Variants in ELP2 observed in about 807,000 individuals in gnomAD.
ELP2 encodes the protein elongator acetyltransferase complex subunit 2, also known as elongator complex protein 2.
A neutral mutation model predicts 119.2 loss-of-function variants in ELP2; 90 were observed. The observed-to-expected ratio is 0.75, with a 90% CI of 0.64 to 0.90. The LOEUF is 0.90. Ranked by LOEUF, ELP2 falls within the 40% of genes least tolerant of loss-of-function variation. The pLI is 0.00. For missense variants in ELP2, 921 were observed against 967.8 expected, an observed-to-expected ratio of 0.95 and a Z score of 0.64; for synonymous variants, 339 against 331.0, an observed-to-expected ratio of 1.02 and a Z score of -0.26.
At position 36,170,174 on chromosome 18, in the gene ELP2, C is replaced by G; in HGVS notation, c.2188C>G (p.Pro730Ala). The change falls in exon 20 of 22, where the codon CCA (proline) becomes GCA (alanine). Residue 730 changes from proline to alanine, a missense_variant. By Grantham distance (27) the Pro-to-Ala change is conservative. Coordinates refer to ENST00000358232, the MANE Select transcript of ELP2 (RefSeq NM_018255.4). ...GGCTGTGACAGCTGTCAGCGTCTGC[C>G]CAGTGCTCCACCCTTCTCAACGGTC... ...GGAVTAVSVC[P>A]VLHPSQRYVV... The G allele has an allele frequency of 6.2e-7, 1 of 1,614,142 alleles. No individual in the cohort carries two copies. The highest frequency in any genetic ancestry group is 8.5e-7 in the Non-Finnish European group (1 of 1,180,016).
At position 36,174,772 on chromosome 18, in the gene ELP2, TCA is replaced by T; in HGVS notation, c.*134_*135del. The T allele has an allele frequency of 1.2e-6, 1 of 857,658 alleles. No homozygotes were observed. Among genetic ancestry groups the T allele is most frequent in the Non-Finnish European group, 1.8e-6 (1 of 548,402 alleles). The allele number at this position is 857,658 out of a possible 1,614,324, so 53.1% of individuals were successfully genotyped here. ...TTTTTTGAGATGGAGTCTTGCTTTGTCACAACCTCCACCTCCCAGGTTCAAGC... is the reference window on the plus strand; with the variant it reads ...TTTTTTGAGATGGAGTCTTGCTTTGTCAACCTCCACCTCCCAGGTTCAAGC... On this transcript the variant is annotated 3_prime_UTR_variant, in exon 22 of 22. Coordinates refer to ENST00000358232, the MANE Select transcript of ELP2 (RefSeq NM_018255.4).
At chr18:36,168,474 G>A (rs558842222) in intron 19 of ELP2, among the ~76,000 whole-genome samples, 2 of 152,228 alleles carry the variant, frequency 1.3e-5, no homozygotes, top group Non-Finnish European at 2.9e-5. Flanking sequence ...AGGAAACTCA[G>A]TCATGGCAGA....
intron 17 of ELP2, among the ~76,000 whole-genome samples, chr18:36,163,273 G>GTGTGT (rs2090793838): frequency 1.8e-3 from 2 of 1,082 alleles, no homozygotes; most frequent in Non-Finnish European, 5.1e-3. Context: ...TAGTTCATGG[G>GTGTGT]GGGTGTGTGT....
intron 18 of ELP2, among the ~76,000 whole-genome samples, chr18:36,166,434 G>T (rs1196996997): frequency 1.5e-5 from 2 of 137,018 alleles, no homozygotes; most frequent in African/African-American, 5.3e-5. Context: ...GGGTTCAAGT[G>T]ATTCTCCTGC....
At position 36,133,243 on chromosome 18, in the gene ELP2, G is replaced by T. The variant is rs146054918; in HGVS notation, c.144G>T (p.Arg48Ser). The T allele has an allele frequency of 1.2e-6, 2 of 1,611,060 alleles. No individual in the cohort carries two copies. Among genetic ancestry groups the T allele is most frequent in the Non-Finnish European group, 1.7e-6 (2 of 1,177,426 alleles). Residue 48 changes from arginine to serine, a missense_variant, in exon 2 of 22, where the codon AGG becomes AGT. Coordinates refer to ENST00000358232, the MANE Select transcript of ELP2 (RefSeq NM_018255.4). ...CTGTATTTTCTTCTCTAAAGAAAAG[G>T]GTTGTTGTTACCAACTTGAATGGTC... ...CSVVLYDPLK[R>S]VVVTNLNGHT...
chr18:36,161,206 A>T (rs554567802), intron 17 of ELP2, among the ~76,000 whole-genome samples: 1 of 152,132 alleles, frequency 6.6e-6, no homozygotes, highest in Non-Finnish European at 1.5e-5. Context: ...TCAGCTGCAC[A>T]TTTTGAGTTT....
intron 18 of ELP2, 155 bp from the exon 19 acceptor site, chr18:36,166,946 G>T: frequency 1.6e-6 from 1 of 611,036 alleles, no homozygotes; most frequent in South Asian, 3.3e-5. Flanking sequence ...CTTCTGGTGA[G>T]GGGTTGGTTG....
rs763298672 is a variant in ELP2, at chr18:36,146,234, G to C, written c.994-16G>C. 1.1e-5 allele frequency: 17 copies of C among 1,614,024 alleles called. 1 individual carries two copies. In the South Asian group the frequency reaches 1.8e-4, roughly 17 times the overall value. On this transcript the variant is annotated splice_polypyrimidine_tract_variant and intron_variant, in intron 10 of 21. Transcript: ENST00000358232. ...GACTATTGATTAAGAATTGTTTTCT[G>C]TCTGTTATTGTACAGGTTCGAGTAG...
intron 17 of ELP2, among the ~76,000 whole-genome samples, chr18:36,163,275 G>GTGTGTGTGTGTGTGTGT (rs1555644860): frequency 0.075 from 10,917 of 145,308 alleles, 553 homozygotes; most frequent in Non-Finnish European, 0.11. Context: ...GTTCATGGGG[G>GTGTGTGTGTGTGTGTGT]GTGTGTGTGT....
intron 9 of ELP2, chr18:36,145,256 C>G: frequency 2.0e-6 from 1 of 507,690 alleles, no homozygotes; most frequent in Admixed American, 3.2e-5. Flanking sequence ...TGCCATGATG[C>G]TGAAACTACC....
chr18:36,149,493 T>TG (rs1485673882), intron 11 of ELP2, among the ~76,000 whole-genome samples: 9 of 147,134 alleles, frequency 6.1e-5, no homozygotes, highest in Non-Finnish European at 1.0e-4. Flanking sequence ...GTTTTGTTTT[T>TG]TTTTTTTTTG....
At chr18:36,137,712 A>C (rs2089875207) in intron 3 of ELP2, among the ~76,000 whole-genome samples, 1 of 151,096 alleles carries the variant, frequency 6.6e-6, no homozygotes, top group African/African-American at 2.4e-5. Context: ...TGATTTAGGC[A>C]AGTATCATGA....
At chr18:36,138,098 G>A (rs2089894649) in intron 3 of ELP2, 172 bp from the exon 4 acceptor site, 1 of 616,264 alleles carries the variant, frequency 1.6e-6, no homozygotes, top group Admixed American at 2.7e-5. Context: ...GTGTCACAGG[G>A]CATGCACATT....
chr18:36,137,487 T>C (rs972611094), intron 3 of ELP2, among the ~76,000 whole-genome samples: 1 of 152,124 alleles, frequency 6.6e-6, no homozygotes, highest in East Asian at 1.9e-4. Flanking sequence ...GAAGAGACAT[T>C]TAAGGAACAC....
At chr18:36,166,334 T>C (rs1267465372) in intron 18 of ELP2, among the ~76,000 whole-genome samples, 9 of 122,428 alleles carry the variant, frequency 7.4e-5, no homozygotes, top group African/African-American at 2.3e-4. Flanking sequence ...TTTTTTTTTT[T>C]TTTTTTTTTT....
intron 19 of ELP2, among the ~76,000 whole-genome samples, chr18:36,167,551 A>G (rs2090944329): frequency 6.6e-6 from 1 of 152,182 alleles, no homozygotes. Flanking sequence ...GGAATAAGGG[A>G]AAAACTATTT....
chr18:36,172,746 A>G (rs2091118630), intron 21 of ELP2, among the ~76,000 whole-genome samples: 1 of 152,214 alleles, frequency 6.6e-6, no homozygotes, highest in Admixed American at 6.5e-5. Context: ...AATGGCCACC[A>G]TGTGGGACAC....
At chr18:36,160,769 C>T (rs1165127602) in intron 16 of ELP2, among the ~76,000 whole-genome samples, 163 bp from the exon 17 acceptor site, 2 of 152,026 alleles carry the variant, frequency 1.3e-5, no homozygotes, top group Non-Finnish European at 2.9e-5. Flanking sequence ...CTCCCATCTC[C>T]CTGTCTTTCT....
rs565020636 is a variant in ELP2 at position 36,164,631 on chromosome 18, T to C, written c.1918T>C (p.Leu640=). The C allele has an allele frequency of 6.2e-7, 1 of 1,614,048 alleles. No homozygotes were observed. The highest frequency in any genetic ancestry group is 1.1e-5 in the South Asian group (1 of 91,066). ...LAVSRDRTWS[L]WKKQDTISPE... The stretch of plus-strand genomic sequence containing the variant: ...TGTTTCCAGAGATCGAACCTGGTCA[T>C]TGTGGAAAAAGCAGGATACAATCTC... The change falls in exon 18 of 22, where the codon TTG becomes CTG. Residue 640 remains leucine, a synonymous_variant. Transcript: ENST00000358232.
Sources: allele counts gnomAD v4.1 joint callset (sites outside exome capture counted in the v4.1 genomes callset), GRCh38; gene constraint gnomAD v4.1.1; transcripts MANE v1.5; gene names NCBI Gene and HGNC (gene_info 2026-07-23, HGNC 2026-07-21).